Variants in CDKN2A observed in about 807,000 individuals in gnomAD.
CDKN2A encodes cyclin dependent kinase inhibitor 2A.
In CDKN2A, 3 loss-of-function variants were observed where a neutral mutation model predicts 11.1. The observed-to-expected ratio is 0.27, with a 90% confidence interval of 0.12 to 0.70. The LOEUF (loss-of-function observed/expected upper bound fraction) is 0.70. Ranked by LOEUF, CDKN2A falls within the 30% of genes least tolerant of loss-of-function variation. The pLI is 0.77. For synonymous variants in CDKN2A, 122 were observed against 108.1 expected, an observed-to-expected ratio of 1.13 and a Z score of -0.80; for missense variants, 265 against 233.6, an observed-to-expected ratio of 1.13 and a Z score of -0.88.
intron 1 of CDKN2A, among the ~76,000 whole-genome samples, chr9:21,972,869 G>T (rs1238451104): frequency 6.6e-6 from 1 of 152,136 alleles, no homozygotes; most frequent in Non-Finnish European, 1.5e-5. Flanking sequence ...ATTAGTTTGA[G>T]GATGGTGGTG....
intron 1 of CDKN2A, 176 bp from the exon 2 acceptor site, chr9:21,971,384 A>C: frequency 3.4e-6 from 5 of 1,466,172 alleles, no homozygotes; most frequent in Non-Finnish European, 4.5e-6. Flanking sequence ...TCCATTCTTC[A>C]GTACACAATG....
intron 2 of CDKN2A, among the ~76,000 whole-genome samples, chr9:21,980,788 T>C (rs1478589408): frequency 6.7e-6 from 1 of 150,194 alleles, no homozygotes; most frequent in African/African-American, 2.4e-5. Flanking sequence ...TGAAACCCCA[T>C]CTCTACTAAA....
intron 1 of CDKN2A, chr9:21,994,546 C>T: frequency 1.6e-6 from 2 of 1,235,692 alleles, no homozygotes; most frequent in East Asian, 2.7e-5. Context: ...CCCACCCGGA[C>T]CTCCAAGATC....
upstream of CDKN2A, among the ~76,000 whole-genome samples, chr9:21,976,378 C>CAAA (rs71336505): frequency 1.4e-3 from 178 of 124,208 alleles, no homozygotes; most frequent in Middle Eastern, 4.0e-3. Flanking sequence ...GACTCCGACT[C>CAAA]AAAAAAAAAA....
chr9:21,989,186 T>C (rs905060251), intron 2 of CDKN2A, among the ~76,000 whole-genome samples: 2 of 152,212 alleles, frequency 1.3e-5, no homozygotes, highest in Non-Finnish European at 2.9e-5. Flanking sequence ...AATTAGGATA[T>C]GGTAAATCTG....
chr9:21,970,896 C>T lies in CDKN2A; in HGVS notation c.457+6G>A, dbSNP rs2131091427. On this transcript the variant is annotated splice_donor_region_variant and intron_variant, in intron 2 of 2. Coordinates refer to ENST00000304494, the MANE Select transcript of CDKN2A (RefSeq NM_000077.5). ...GGGTACAAATTCTCAGATCATCAGT[C>T]CTCACCTGAGGGACCTTCCGCGGCA... 3 of 1,611,242 alleles carry T rather than the reference C, an allele frequency of 1.9e-6. No homozygotes were observed. The highest frequency in any genetic ancestry group is 2.5e-6 in the Non-Finnish European group (3 of 1,179,964).
intron 2 of CDKN2A, among the ~76,000 whole-genome samples, chr9:21,989,060 T>G (rs1270033058): frequency 6.6e-6 from 1 of 152,236 alleles, no homozygotes; most frequent in Admixed American, 6.5e-5. Flanking sequence ...TCTGTTTATA[T>G]GGCTTCGTAC....
In CDKN2A at chr9:21,968,252, G is replaced by C. The variant is rs748219065; in HGVS notation, c.458-10C>G. On this transcript the variant is annotated splice_polypyrimidine_tract_variant and intron_variant, in intron 2 of 2. Transcript: ENST00000304494. This position sits in a 1 kb window ranked among gnomAD's most constrained non-coding sequence, Gnocchi z 4.7. ...TTTCAATCGGGGATGTCTGCAGAGG[G>C]CAGAAAGAAAACAGGCGTTAGAAAC... is the stretch of plus-strand genomic sequence containing the variant. 1.2e-5 allele frequency: 20 copies of C among 1,613,710 alleles called. No homozygotes were observed. In the South Asian group the frequency reaches 2.1e-4, roughly 17 times the overall value.
intron 2 of CDKN2A, among the ~76,000 whole-genome samples, chr9:21,993,046 A>G (rs1311189957): frequency 6.6e-6 from 1 of 152,218 alleles, no homozygotes; most frequent in African/African-American, 2.4e-5. Context: ...TTAAACACTG[A>G]TAGTTTTAAC....
At chr9:21,992,811 C>T (rs1008521896) in intron 2 of CDKN2A, among the ~76,000 whole-genome samples, 1 of 151,896 alleles carries the variant, frequency 6.6e-6, no homozygotes, top group Admixed American at 6.5e-5. Context: ...AGTGGCTAAA[C>T]TTTTGCTGAT....
rs1563892769 is a variant in CDKN2A, at chr9:21,974,770, C to CGGCCGT, written c.52_57dup (p.Thr18_Ala19dup). ...ACCTCCTCTACCCGACCCCGGGCCGCGGCCGTGGCCAGCCAGTCAGCCGAA... is the reference window on the plus strand; with the variant it reads ...ACCTCCTCTACCCGACCCCGGGCCGCGGCCGTGGCCGTGGCCAGCCAGTCAGCCGAA... On this transcript the variant is annotated inframe_insertion, in exon 1 of 3. Transcript: ENST00000304494. The surrounding 1 kb of genome is among the most constrained non-coding windows in gnomAD (Gnocchi z 5.2). 1 of 1,607,526 alleles carries CGGCCGT rather than the reference C, an allele frequency of 6.2e-7. No individual in the cohort carries two copies. Among genetic ancestry groups the CGGCCGT allele is most frequent in the Non-Finnish European group, 8.5e-7 (1 of 1,179,010 alleles).
rs1388438725 is a variant in CDKN2A, at chr9:21,967,823, A to C, written c.*406T>G. 6.3e-6 allele frequency: 2 copies of C among 316,570 alleles called. No homozygotes were observed. The highest frequency in any genetic ancestry group is 1.2e-5 in the Non-Finnish European group (2 of 169,496). 19.6% of individuals were successfully genotyped at this position (316,570 alleles called of 1,614,324 possible). A position where few individuals can be genotyped will look rare whatever the true frequency, so the allele number is the denominator to read the frequency against. Reference sequence around the variant, plus strand: ...CTGCCATTTGCTAGCAGTGTGACTCAAGAGAAGCCAGTAACCCCCCTGAGC... The same window carrying C: ...CTGCCATTTGCTAGCAGTGTGACTCCAGAGAAGCCAGTAACCCCCCTGAGC... On this transcript the variant is annotated 3_prime_UTR_variant, in exon 3 of 3. Coordinates refer to ENST00000304494, the MANE Select transcript of CDKN2A (RefSeq NM_000077.5).
At position 21,974,273 on chromosome 9, in the gene CDKN2A, A is replaced by G. The variant is rs541849642; in HGVS notation, c.150+405T>C. ...CAGATTTCCACTGATAATCCCTCCT[A>G]GTAAGAAAGATAAGCTCCATCCAGG... On this transcript the variant is annotated intron_variant, in intron 1 of 2. Transcript: ENST00000304494. The surrounding 1 kb of genome is among the most constrained non-coding windows in gnomAD (Gnocchi z 5.2). The G allele has an allele frequency of 3.9e-5, 23 of 586,344 alleles. No individual in the cohort carries two copies. In the East Asian group the frequency reaches 8.6e-4, roughly 22 times the overall value. The allele number at this position is 586,344 out of a possible 1,614,324, so 36.3% of individuals were successfully genotyped here.
At position 21,968,816 on chromosome 9, in the gene CDKN2A, G is replaced by T; in HGVS notation, c.458-574C>A. 6.5e-6 allele frequency: 10 copies of T among 1,529,546 alleles called. No individual in the cohort carries two copies. In the African/African-American group the frequency reaches 8.2e-5, roughly 13 times the overall value. The allele number at this position is 1,529,546 out of a possible 1,614,324, so 94.7% of individuals were successfully genotyped here. A position where few individuals can be genotyped will look rare whatever the true frequency, so the allele number is the denominator to read the frequency against. On this transcript the variant is annotated intron_variant, in intron 2 of 2. Transcript: ENST00000304494. The surrounding 1 kb of genome is among the most constrained non-coding windows in gnomAD (Gnocchi z 4.7). Reference sequence around the variant, plus strand: ...CATTTATTCATGTGCTCTGGCTTCTGCCTTCCTCTCTAATCTCGTTGCGTA... The same window carrying T: ...CATTTATTCATGTGCTCTGGCTTCTTCCTTCCTCTCTAATCTCGTTGCGTA...
rs770238732 is a variant in CDKN2A, at chr9:21,991,399, A to C, written c.-4+2483T>G. ...TCCTATGTGGCCCAGGGAAGGTAAA[A>C]GATTGAACACCCCTGGCCTACAGTG... On this transcript the variant is annotated intron_variant, in intron 2 of 3. Coordinates refer to the CDKN2A transcript ENST00000494262. The surrounding 1 kb of genome is among the most constrained non-coding windows in gnomAD (Gnocchi z 5.2). Among the ~76,000 whole-genome samples, 1 of 152,094 alleles carries C rather than the reference A, an allele frequency of 6.6e-6. No individual in the cohort carries two copies. The highest frequency in any genetic ancestry group is 1.5e-5 in the Non-Finnish European group (1 of 68,038).
chr9:21,979,867 C>G (rs944801715), intron 2 of CDKN2A, among the ~76,000 whole-genome samples: 3 of 152,094 alleles, frequency 2.0e-5, no homozygotes, highest in Admixed American at 6.5e-5. Context: ...GAAAGCCCTG[C>G]AGTGGTGCTA....
Position 21,991,010 on chromosome 9 carries a change from T to C in CDKN2A, c.-4+2872A>G, listed in dbSNP as rs1207226495. On this transcript the variant is annotated intron_variant, in intron 2 of 3. Coordinates refer to the CDKN2A transcript ENST00000494262. This position sits in a 1 kb window ranked among gnomAD's most constrained non-coding sequence, Gnocchi z 5.2. Reference sequence around the variant, plus strand: ...GAGAAGATATTAGTAGTTAGGTATATGAGAATCAGAATTCAGATAATTTGT... The same window carrying C: ...GAGAAGATATTAGTAGTTAGGTATACGAGAATCAGAATTCAGATAATTTGT... Among the ~76,000 whole-genome samples the C allele has an allele frequency of 6.6e-6, 1 of 152,240 alleles. No homozygotes were observed. Among genetic ancestry groups the C allele is most frequent in the Non-Finnish European group, 1.5e-5 (1 of 68,042 alleles).
chr9:21,991,642 A>G lies in CDKN2A; in HGVS notation c.-4+2240T>C. Reference sequence around the variant, plus strand: ...GAAAATGGTTTAGCTTAACTCTATCATGGTAGTTGATAGTGATGAACTAAC... The same window carrying G: ...GAAAATGGTTTAGCTTAACTCTATCGTGGTAGTTGATAGTGATGAACTAAC... On this transcript the variant is annotated intron_variant, in intron 2 of 3. Coordinates refer to the CDKN2A transcript ENST00000494262. This position sits in a 1 kb window ranked among gnomAD's most constrained non-coding sequence, Gnocchi z 5.2. 1.0e-6 allele frequency: 1 copy of G among 984,200 alleles called. No homozygotes were observed. The highest frequency in any genetic ancestry group is 1.2e-6 in the Non-Finnish European group (1 of 828,790). The allele number at this position is 984,200 out of a possible 1,614,324, so 61.0% of individuals were successfully genotyped here.
chr9:21,987,500 T>C (rs1820330952), intron 2 of CDKN2A, among the ~76,000 whole-genome samples: 1 of 151,240 alleles, frequency 6.6e-6, no homozygotes, highest in Non-Finnish European at 1.5e-5. Flanking sequence ...ATATAGTGTT[T>C]TAAAAAGACA....
Sources: allele counts gnomAD v4.1 joint callset (sites outside exome capture counted in the v4.1 genomes callset), GRCh38; gene constraint gnomAD v4.1.1; non-coding constraint Gnocchi (gnomAD v3.1); transcripts MANE v1.5; gene names NCBI Gene and HGNC (gene_info 2026-07-23, HGNC 2026-07-21).